ATP10B: variants seen among roughly 807,000 people sequenced by gnomAD.
The protein encoded by ATP10B is ATPase phospholipid transporting 10B (putative).
Under a neutral mutation model 141.2 loss-of-function variants are expected in ATP10B, and 122 were observed. That is an observed-to-expected ratio of 0.86 (90% CI 0.75 to 1.00). ATP10B has a LOEUF of 1.00. Ranked by LOEUF, ATP10B falls within the 50% of genes least tolerant of loss-of-function variation. The probability of loss-of-function intolerance (pLI) is 0.00; values close to 1 mark genes in which losing one functional copy is unlikely to be tolerated. For missense variants in ATP10B, 1,876 were observed against 1,825.3 expected (o/e 1.03, Z -0.51); for synonymous variants, 685 against 692.0 (o/e 0.99, Z 0.16).
In ATP10B at chr5:160,785,539, C is replaced by T. The variant is rs1479823653; in HGVS notation, c.-331+20G>A. The stretch of plus-strand genomic sequence containing the variant: ...TTTGGGCTTCTAATGACCCCACTGC[C>T]CAAGAAGTAAAGATAGTACCTGATA... On this transcript the variant is annotated intron_variant, in intron 2 of 25. Transcript: ENST00000327245. 6.8e-6 allele frequency: 4 copies of T among 584,384 alleles called. No homozygotes were observed. The highest frequency in any genetic ancestry group is 1.2e-5 in the Non-Finnish European group (4 of 345,462). The allele number at this position is 584,384 out of a possible 1,614,324, so 36.2% of individuals were successfully genotyped here.
At chr5:160,789,618 C>T (rs913660281) in intron 1 of ATP10B, among the ~76,000 whole-genome samples, 18 of 152,148 alleles carry the variant, frequency 1.2e-4, no homozygotes, top group African/African-American at 3.4e-4. Flanking sequence ...GACTGTACTG[C>T]TAGGCACTGT....
the ATP10B span, among the ~76,000 whole-genome samples, chr5:160,883,956 T>G: frequency 6.6e-6 from 1 of 152,192 alleles, no homozygotes; most frequent in African/African-American, 2.4e-5. Context: ...TCAGGAAATC[T>G]CAGCATCTTG....
At chr5:160,594,904 T>C (rs906848737) in intron 22 of ATP10B, among the ~76,000 whole-genome samples, 8 of 152,134 alleles carry the variant, frequency 5.3e-5, no homozygotes, top group African/African-American at 1.7e-4. Flanking sequence ...AAGTCCTGAG[T>C]GACCTACAAA....
At chr5:160,682,278 C>G (rs1763451735) in intron 6 of ATP10B, among the ~76,000 whole-genome samples, 1 of 152,174 alleles carries the variant, frequency 6.6e-6, no homozygotes, top group Admixed American at 6.5e-5. Context: ...GGAGGGCCAG[C>G]ATATATAATT....
At chr5:160,905,159 C>T in the ATP10B span, among the ~76,000 whole-genome samples, 1 of 152,192 alleles carries the variant, frequency 6.6e-6, no homozygotes, top group African/African-American at 2.4e-5. Flanking sequence ...TAAGCTGAGG[C>T]TCAGGGAGTT....
rs569675665 is a variant in ATP10B at position 160,718,089 on chromosome 5, G to A, written c.-330-1055C>T. Among the ~76,000 whole-genome samples, 56 of 152,342 alleles carry A rather than the reference G, an allele frequency of 3.7e-4. 1 individual carries two copies. The highest frequency in any genetic ancestry group is 1.3e-3 in the African/African-American group (53 of 41,578). The stretch of plus-strand genomic sequence containing the variant: ...TGGTCTAGAAACTAAAGAAATAGGA[G>A]GGCTGCTTAAGCATTTTGTTATTCA... On this transcript the variant is annotated intron_variant, in intron 2 of 25. Coordinates refer to ENST00000327245, the MANE Select transcript of ATP10B (RefSeq NM_025153.3).
At chr5:160,684,064 T>A (rs1178975954) in intron 6 of ATP10B, among the ~76,000 whole-genome samples, 1 of 152,178 alleles carries the variant, frequency 6.6e-6, no homozygotes, top group Non-Finnish European at 1.5e-5. Context: ...AAATATTGCA[T>A]CTCTGTGCTT....
intron 2 of ATP10B, among the ~76,000 whole-genome samples, chr5:160,748,830 A>G (rs1202929413): frequency 6.6e-6 from 1 of 152,200 alleles, no homozygotes; most frequent in Non-Finnish European, 1.5e-5. Context: ...ATCTGGGGAG[A>G]GCATAACATC....
intron 7 of ATP10B, among the ~76,000 whole-genome samples, chr5:160,651,592 G>A (rs1760742670): frequency 6.6e-6 from 1 of 152,052 alleles, no homozygotes; most frequent in East Asian, 1.9e-4. Flanking sequence ...GATTGGAGAT[G>A]GTTTCCTGGG....
the ATP10B span, among the ~76,000 whole-genome samples, chr5:160,910,934 G>T: frequency 6.6e-6 from 1 of 152,254 alleles, no homozygotes; most frequent in African/African-American, 2.4e-5. Context: ...TTTCCTGGGC[G>T]TAAGTTCTTA....
chr5:160,707,241 G>A (rs1008303151), intron 3 of ATP10B, among the ~76,000 whole-genome samples: 8 of 152,118 alleles, frequency 5.3e-5, no homozygotes, highest in African/African-American at 9.7e-5. Context: ...ATGAGCCACC[G>A]TGCCCAGCCC....
At chr5:160,791,036 C>G (rs1427722748) in intron 1 of ATP10B, among the ~76,000 whole-genome samples, 1 of 152,110 alleles carries the variant, frequency 6.6e-6, no homozygotes, top group Non-Finnish European at 1.5e-5. Context: ...TGGGCAGCAT[C>G]TAAAAGCTGG....
the ATP10B span, among the ~76,000 whole-genome samples, chr5:160,913,954 C>T: frequency 0.039 from 5,912 of 152,204 alleles, 249 homozygotes; most frequent in East Asian, 0.22. Context: ...CTCTCTAATA[C>T]GAAAGTAGAT....
At chr5:160,920,928 C>T in the ATP10B span, among the ~76,000 whole-genome samples, 1 of 152,156 alleles carries the variant, frequency 6.6e-6, no homozygotes, top group Admixed American at 6.5e-5. Flanking sequence ...GATACAGTCT[C>T]AGTTTGGTGC....
rs186445643 is a variant in ATP10B, at chr5:160,706,692, C to T, written c.-205+10217G>A. Among the ~76,000 whole-genome samples the T allele has an allele frequency of 6.9e-3, 1,057 of 152,276 alleles. 4 individuals carry two copies. The highest frequency in any genetic ancestry group is 0.017 in the Middle Eastern group (5 of 294). ...ACGATAATACAGAGAGTTCCTTTAC[C>T]TGAGATTCTCCTAATCTCACATAGC... On this transcript the variant is annotated intron_variant, in intron 3 of 25. Coordinates refer to ENST00000327245, the MANE Select transcript of ATP10B (RefSeq NM_025153.3).
At chr5:160,787,829 A>T (rs899264880) in intron 1 of ATP10B, among the ~76,000 whole-genome samples, 5 of 152,134 alleles carry the variant, frequency 3.3e-5, no homozygotes, top group African/African-American at 1.2e-4. Flanking sequence ...GCTAGATCAG[A>T]AGTTATAAAC....
intron 1 of ATP10B, among the ~76,000 whole-genome samples, chr5:160,846,562 G>A (rs1581646421): frequency 6.6e-6 from 1 of 152,280 alleles, no homozygotes; most frequent in East Asian, 1.9e-4. Context: ...TCCTTAATGA[G>A]TGAGGGTTTG....
chr5:160,915,099 C>T, the ATP10B span, among the ~76,000 whole-genome samples: 1 of 152,188 alleles, frequency 6.6e-6, no homozygotes, highest in Non-Finnish European at 1.5e-5. Context: ...ATGCTAGCCT[C>T]ACAAGTAACT....
At chr5:160,683,024 C>A (rs1171830671) in intron 6 of ATP10B, among the ~76,000 whole-genome samples, 2 of 110,152 alleles carry the variant, frequency 1.8e-5, no homozygotes, top group African/African-American at 3.5e-5. Flanking sequence ...GGGCGACAGA[C>A]CAAGACTCTG....
Sources: allele counts gnomAD v4.1 joint callset (sites outside exome capture counted in the v4.1 genomes callset), GRCh38; gene constraint gnomAD v4.1.1; transcripts MANE v1.5; gene names NCBI Gene and HGNC (gene_info 2026-07-23, HGNC 2026-07-21).